DCBLD2: variants seen among roughly 807,000 people sequenced by gnomAD.
DCBLD2 encodes the protein discoidin, CUB and LCCL domain containing 2, also known as discoidin, CUB and LCCL domain-containing protein 2.
A neutral mutation model predicts 86.8 loss-of-function variants in DCBLD2; 54 were observed. The observed-to-expected ratio is 0.62, with a 90% CI of 0.50 to 0.78. The LOEUF is 0.78. Ranked by LOEUF, DCBLD2 falls within the 30% of genes least tolerant of loss-of-function variation. The pLI, the probability that DCBLD2 is intolerant of heterozygous loss-of-function variation, is 0.00. For synonymous variants in DCBLD2, 354 were observed against 341.3 expected (o/e 1.04, Z -0.41); for missense variants, 908 against 954.2 (o/e 0.95, Z 0.64).
At chr3:98,886,808 C>A (rs1369810917) in intron 1 of DCBLD2, among the ~76,000 whole-genome samples, 1 of 125,274 alleles carries the variant, frequency 8.0e-6, no homozygotes. Context: ...AAACCCCCCC[C>A]CTTTTTTTTT....
At chr3:98,808,036 C>T in intron 13 of DCBLD2, 45 bp downstream of exon 13, 1 of 1,395,720 alleles carries the variant, frequency 7.2e-7, no homozygotes, top group Non-Finnish European at 9.6e-7. Flanking sequence ...GCTTCTACTT[C>T]ACATTTGGTA....
chr3:98,872,915 A>T (rs1943304980), intron 2 of DCBLD2, among the ~76,000 whole-genome samples: 1 of 152,184 alleles, frequency 6.6e-6, no homozygotes, highest in Non-Finnish European at 1.5e-5. Context: ...GACATTAAAA[A>T]TATTTGCAAT....
chr3:98,822,067 A>C, intron 6 of DCBLD2, 161 bp downstream of exon 6: 1 of 913,936 alleles, frequency 1.1e-6, no homozygotes, highest in Non-Finnish European at 1.8e-6. Context: ...AAACAAAAAA[A>C]CAGACACTGA....
intron 1 of DCBLD2, chr3:98,900,865 G>A: frequency 1.7e-6 from 1 of 574,470 alleles, no homozygotes; most frequent in African/African-American, 1.9e-5. Context: ...ATATCAACGA[G>A]GCTTTCATAG....
intron 4 of DCBLD2, among the ~76,000 whole-genome samples, chr3:98,824,479 G>A (rs1477903327): frequency 6.6e-6 from 1 of 152,004 alleles, no homozygotes; most frequent in Non-Finnish European, 1.5e-5. Context: ...TGCTGAAGAG[G>A]GCACCCTTCC....
rs771017671 is a variant in DCBLD2, at chr3:98,858,774, TC to T, written c.434-9177del. On this transcript the variant is annotated intron_variant, in intron 2 of 15. Coordinates refer to ENST00000326840, the MANE Select transcript of DCBLD2 (RefSeq NM_080927.4). ...GAAAAAGTTTATGAAAACAATCCCC[TC>T]CCCTATTATACAAATAGCCAACAGA... Among the ~76,000 whole-genome samples, 166 of 152,198 alleles carry T rather than the reference TC, an allele frequency of 1.1e-3. 1 individual carries two copies. The highest frequency in any genetic ancestry group is 2.1e-3 in the Non-Finnish European group (140 of 67,996).
At chr3:98,869,094 T>G (rs1044617302) in intron 2 of DCBLD2, among the ~76,000 whole-genome samples, 3 of 152,218 alleles carry the variant, frequency 2.0e-5, no homozygotes, top group Non-Finnish European at 4.4e-5. Context: ...AGTGTATAAG[T>G]GTTCCCTGTC....
At chr3:98,850,364 AT>A (rs1418303799) in intron 2 of DCBLD2, among the ~76,000 whole-genome samples, 9 of 152,150 alleles carry the variant, frequency 5.9e-5, no homozygotes, top group African/African-American at 2.2e-4. Context: ...TCACAAAAAA[AT>A]CTCATGTTTT....
intron 2 of DCBLD2, among the ~76,000 whole-genome samples, chr3:98,879,628 C>T (rs888321441): frequency 6.6e-6 from 1 of 152,096 alleles, no homozygotes; most frequent in African/African-American, 2.4e-5. Flanking sequence ...ACCTCGTGAT[C>T]CGCCCACCTC....
chr3:98,870,595 C>A (rs1041296570), intron 2 of DCBLD2, among the ~76,000 whole-genome samples: 2 of 134,270 alleles, frequency 1.5e-5, no homozygotes, highest in African/African-American at 5.7e-5. Context: ...GACTGGGTGA[C>A]AGAGTAAGAT....
chr3:98,858,013 T>C (rs1005032252), intron 2 of DCBLD2, among the ~76,000 whole-genome samples: 1 of 152,232 alleles, frequency 6.6e-6, no homozygotes, highest in Non-Finnish European at 1.5e-5. Flanking sequence ...CTGGGTGCCA[T>C]GGAGCAGGGG....
intron 3 of DCBLD2, among the ~76,000 whole-genome samples, chr3:98,844,172 A>AG (rs1354796890): frequency 1.3e-5 from 2 of 152,112 alleles, no homozygotes; most frequent in Non-Finnish European, 2.9e-5. Context: ...AACTTAAAAA[A>AG]TTCGTCACCC....
At chr3:98,822,060 CA>C in intron 6 of DCBLD2, 167 bp downstream of exon 6, 5 of 889,150 alleles carry the variant, frequency 5.6e-6, no homozygotes, top group Admixed American at 1.8e-5. Context: ...CAAAACAAAA[CA>C]AAAAAACAGA....
At chr3:98,880,488 C>G (rs557991397) in intron 2 of DCBLD2, among the ~76,000 whole-genome samples, 3 of 152,118 alleles carry the variant, frequency 2.0e-5, no homozygotes, top group Non-Finnish European at 1.5e-5. Flanking sequence ...AACGTGACTG[C>G]AAGAGATTTT....
At chr3:98,842,450 T>C (rs953016645) in intron 3 of DCBLD2, among the ~76,000 whole-genome samples, 8 of 152,182 alleles carry the variant, frequency 5.3e-5, no homozygotes, top group African/African-American at 1.7e-4. Context: ...TTTACATATA[T>C]AGTATAGTAC....
intron 3 of DCBLD2, among the ~76,000 whole-genome samples, chr3:98,839,024 T>TGGGGAG (rs776972713): frequency 0.38 from 56,849 of 149,084 alleles, 11,217 homozygotes; most frequent in Non-Finnish European, 0.43. Context: ...AGGGAGACCG[T>TGGGGAG]CGGGAGAGGG....
At chr3:98,825,730 T>G (rs1942208877) in intron 3 of DCBLD2, among the ~76,000 whole-genome samples, 1 of 148,398 alleles carries the variant, frequency 6.7e-6, no homozygotes, top group South Asian at 2.1e-4. Flanking sequence ...GTGGTTTCTG[T>G]AAAATACAGC....
intron 3 of DCBLD2, among the ~76,000 whole-genome samples, chr3:98,827,304 C>A (rs915065016): frequency 1.3e-5 from 2 of 152,110 alleles, no homozygotes; most frequent in African/African-American, 4.8e-5. Flanking sequence ...TTCTGCTCCA[C>A]CAAAAAAATT....
chr3:98,850,437 G>C (rs1027477391), intron 2 of DCBLD2, among the ~76,000 whole-genome samples: 3 of 152,194 alleles, frequency 2.0e-5, no homozygotes, highest in African/African-American at 4.8e-5. Flanking sequence ...CATGTGGCCT[G>C]CAGGCCACAG....
Sources: allele counts gnomAD v4.1 joint callset (sites outside exome capture counted in the v4.1 genomes callset), GRCh38; gene constraint gnomAD v4.1.1; transcripts MANE v1.5; gene names NCBI Gene and HGNC (gene_info 2026-07-23, HGNC 2026-07-21).